The following TCERG1 variants were observed in gnomAD, a reference collection of about 807,000 sequenced individuals.
TCERG1 encodes TATA box binding protein (TBP)-associated factor, RNA polymerase II, S, 150kD.
A neutral mutation model predicts 144.7 loss-of-function variants in TCERG1; 37 were observed. The observed-to-expected ratio is 0.26, with a 90% confidence interval of 0.20 to 0.34. TCERG1 has a LOEUF of 0.34. Ranked by LOEUF, TCERG1 falls within the 10% of genes least tolerant of loss-of-function variation. The probability of loss-of-function intolerance (pLI) is 1.00; values close to 1 mark genes in which losing one functional copy is unlikely to be tolerated. For missense variants in TCERG1, 1,027 were observed against 1,380.7 expected (o/e 0.74, Z 4.06); for synonymous variants, 492 against 458.2 (o/e 1.07, Z -0.94).
rs367965600 is a variant in TCERG1 at position 146,458,898 on chromosome 5, T to C, written c.453T>C (p.Asn151=). The C allele has an allele frequency of 5.0e-6, 8 of 1,605,814 alleles. No individual in the cohort carries two copies. Among genetic ancestry groups the C allele is most frequent in the Non-Finnish European group, 6.8e-6 (8 of 1,174,926 alleles). The part of the protein sequence containing the change: ...KTPDGKVYYY[N]ARTRESAWTK... ...TTCCGCTGCAGGTTTATTATTATAA[T>C]GCTCGGACACGTGAATCTGCATGGA... The change falls in exon 4 of 23, where the codon AAT becomes AAC. Residue 151 remains asparagine (N), a synonymous_variant. Coordinates refer to ENST00000679501, the MANE Select transcript of TCERG1 (RefSeq NM_001382548.1).
chr5:146,474,334 G>A (rs1764630002), intron 9 of TCERG1, among the ~76,000 whole-genome samples: 1 of 152,212 alleles, frequency 6.6e-6, no homozygotes, highest in African/African-American at 2.4e-5. Flanking sequence ...AGCCAGAATT[G>A]CTGCAATTTT....
intron 9 of TCERG1, 38 bp downstream of exon 9, chr5:146,471,614 T>TTTC: frequency 6.4e-7 from 1 of 1,566,394 alleles, no homozygotes; most frequent in Non-Finnish European, 8.7e-7. Context: ...TTTTTTTTTT[T>TTTC]TTGAGACGGA....
In TCERG1 at chr5:146,511,334, C is replaced by T. The variant is rs902817501; in HGVS notation, c.*692C>T. On this transcript the variant is annotated 3_prime_UTR_variant, in exon 23 of 23. Transcript: ENST00000679501. ...CCACTGGTTAAACATATTTTATTCACCATTAAGTGATCTTTATCAATATTC... is the reference window on the plus strand; with the variant it reads ...CCACTGGTTAAACATATTTTATTCATCATTAAGTGATCTTTATCAATATTC... The T allele has an allele frequency of 3.9e-5, 6 of 152,580 alleles. No homozygotes were observed. The highest frequency in any genetic ancestry group is 7.3e-5 in the Non-Finnish European group (5 of 68,038). 9.5% of individuals were successfully genotyped at this position (152,580 alleles called of 1,614,324 possible).
At chr5:146,483,309 G>A (rs1010825173) in intron 14 of TCERG1, among the ~76,000 whole-genome samples, 26 of 152,108 alleles carry the variant, frequency 1.7e-4, no homozygotes, top group African/African-American at 5.6e-4. Context: ...TTATTTTAAT[G>A]AGTAATTAAG....
intron 19 of TCERG1, chr5:146,505,750 T>G (rs1767927061): frequency 6.6e-6 from 1 of 152,256 alleles, no homozygotes; most frequent in African/African-American, 2.4e-5. Flanking sequence ...TTGCAGTTAT[T>G]TGCTTACATG....
At chr5:146,510,167 C>T in intron 22 of TCERG1, 1 of 1,159,836 alleles carries the variant, frequency 8.6e-7, no homozygotes, top group Non-Finnish European at 1.2e-6. Context: ...ACAGGTACAG[C>T]ACGGGCAAGA....
At chr5:146,490,266 A>G (rs1766269619) in intron 15 of TCERG1, among the ~76,000 whole-genome samples, 3 of 152,156 alleles carry the variant, frequency 2.0e-5, no homozygotes, top group Admixed American at 6.5e-5. Flanking sequence ...CACCCAGTGG[A>G]TGAAGATTGG....
In TCERG1 at chr5:146,454,022, A is replaced by G. The variant is rs1043289493; in HGVS notation, c.60-1034A>G. Among the ~76,000 whole-genome samples, 9 of 142,266 alleles carry G rather than the reference A, an allele frequency of 6.3e-5. 1 individual carries two copies. In the East Asian group the frequency reaches 2.0e-3, roughly 32 times the overall value. 93.3% of individuals were successfully genotyped at this position (142,266 alleles called of 152,430 possible). ...ACCATTGCCAACATGGTGAAACCCC[A>G]TCTCTACTCAAATACAAAAAAAAAA... On this transcript the variant is annotated intron_variant, in intron 1 of 22. Coordinates refer to ENST00000679501, the MANE Select transcript of TCERG1 (RefSeq NM_001382548.1).
At chr5:146,474,219 A>C (rs768447067) in intron 9 of TCERG1, among the ~76,000 whole-genome samples, 2 of 152,092 alleles carry the variant, frequency 1.3e-5, no homozygotes, top group African/African-American at 2.4e-5. Context: ...GTTGATACCA[A>C]CTCTCATGGA....
At chr5:146,474,931 AT>A (rs1764693834) in intron 9 of TCERG1, among the ~76,000 whole-genome samples, 1 of 152,144 alleles carries the variant, frequency 6.6e-6, no homozygotes, top group Non-Finnish European at 1.5e-5. Flanking sequence ...TATTTGCTGT[AT>A]TTTGTTGGTC....
intron 19 of TCERG1, among the ~76,000 whole-genome samples, chr5:146,505,877 A>C (rs1041839787): frequency 6.6e-6 from 1 of 152,126 alleles, no homozygotes; most frequent in Admixed American, 6.5e-5. Flanking sequence ...CCTGGGTTCA[A>C]GTGATTCTCC....
intron 10 of TCERG1, among the ~76,000 whole-genome samples, chr5:146,479,214 G>A (rs1166973558): frequency 6.6e-6 from 1 of 152,030 alleles, no homozygotes; most frequent in African/African-American, 2.4e-5. Flanking sequence ...TTGGTAATTT[G>A]CCCTTGTGTT....
intron 1 of TCERG1, among the ~76,000 whole-genome samples, chr5:146,454,314 G>T (rs1561631359): frequency 6.6e-6 from 1 of 152,212 alleles, no homozygotes; most frequent in East Asian, 1.9e-4. Flanking sequence ...AGGTGATGTC[G>T]TGTCTCTCTC....
At chr5:146,464,732 T>TTAG (rs1234404919) in intron 5 of TCERG1, among the ~76,000 whole-genome samples, 1 of 152,218 alleles carries the variant, frequency 6.6e-6, no homozygotes, top group Admixed American at 6.5e-5. Context: ...TGAATAGAAC[T>TTAG]TAGGCCTCTT....
Position 146,490,847 on chromosome 5 carries a change from T to C in TCERG1, c.2164-2073T>C, listed in dbSNP as rs1766341240. ...ATTACCTTTGTCTTTTTATTTAACT[T>C]TTTGGATAATTTCCTTGCCTTTATT... On this transcript the variant is annotated intron_variant, in intron 15 of 22. Coordinates refer to ENST00000679501, the MANE Select transcript of TCERG1 (RefSeq NM_001382548.1). 3.9e-5 allele frequency among the ~76,000 whole-genome samples: 6 copies of C among 152,154 alleles called. No homozygotes were observed. The South Asian group carries it at 1.2e-3, about 31-fold the overall frequency.
chr5:146,462,132 A>G (rs752129885), intron 4 of TCERG1: 3 of 152,634 alleles, frequency 2.0e-5, no homozygotes, highest in Non-Finnish European at 4.4e-5. Context: ...AATTGCTCAC[A>G]TCTTCCCAGC....
chr5:146,484,815 C>A (rs1434739398), intron 15 of TCERG1, among the ~76,000 whole-genome samples: 1 of 152,072 alleles, frequency 6.6e-6, no homozygotes, highest in African/African-American at 2.4e-5. Context: ...AAAATCTCAC[C>A]TTTTATTAAT....
At chr5:146,497,183 G>GT (rs202010753) in intron 16 of TCERG1, among the ~76,000 whole-genome samples, 1,953 of 147,896 alleles carry the variant, frequency 0.013, 34 homozygotes, top group Non-Finnish European at 0.016. Context: ...TTTTGTTTTT[G>GT]TTTTTTTGAT....
At chr5:146,498,475 C>T in intron 16 of TCERG1, 61 bp from the exon 17 acceptor site, 1 of 1,524,504 alleles carries the variant, frequency 6.6e-7, no homozygotes, top group Non-Finnish European at 8.8e-7. Context: ...GTATCTTCTG[C>T]TATGCCTTTA....
Sources: gnomAD v4.1 joint callset for allele counts (sites outside exome capture counted in the v4.1 genomes callset) on GRCh38, gnomAD v4.1.1 for gene constraint, MANE v1.5 for transcripts, NCBI Gene and HGNC (gene_info 2026-07-23, HGNC 2026-07-21) for gene names.